Variants in UBE2E2 observed in about 807,000 individuals in gnomAD.
UBE2E2 encodes the protein ubiquitin conjugating enzyme E2 E2.
UBE2E2 carries 6 observed loss-of-function variants against 24.7 expected under a neutral mutation model. The ratio of observed to expected loss-of-function variants is 0.24; its 90% confidence interval spans 0.13 to 0.48. UBE2E2 has a LOEUF of 0.48. UBE2E2 is among the 20% of genes least tolerant of loss of function. The pLI is 0.99. For synonymous variants in UBE2E2, 104 were observed against 83.6 expected, an observed-to-expected ratio of 1.24 and a Z score of -1.33; for missense variants, 169 against 245.0, an observed-to-expected ratio of 0.69 and a Z score of 2.07.
intron 3 of UBE2E2, among the ~76,000 whole-genome samples, chr3:23,299,640 T>C: frequency 6.6e-6 from 1 of 152,384 alleles, no homozygotes; most frequent in East Asian, 1.9e-4. Context: ...TGCACTGTGG[T>C]CTGAGAGGCA....
chr3:23,303,341 G>T (rs1699153547), intron 3 of UBE2E2, among the ~76,000 whole-genome samples: 1 of 152,032 alleles, frequency 6.6e-6, no homozygotes, highest in African/African-American at 2.4e-5. Context: ...ACTATAATGA[G>T]CTTGAATTAT....
At position 23,311,322 on chromosome 3, in the gene UBE2E2, G is replaced by A. The variant is rs549300325; in HGVS notation, c.227+94010G>A. On this transcript the variant is annotated intron_variant, in intron 3 of 5. Transcript: ENST00000396703. ...GAATAGTGCCGCAATAAACATACGT[G>A]TGCATGTGTCTTTATAGCAGCATGA... is the stretch of plus-strand genomic sequence containing the variant. Among the ~76,000 whole-genome samples, 6 of 152,304 alleles carry A rather than the reference G, an allele frequency of 3.9e-5. No homozygotes were observed. In the South Asian group the frequency reaches 1.0e-3, roughly 26 times the overall value.
intron 3 of UBE2E2, among the ~76,000 whole-genome samples, chr3:23,497,088 A>G (rs1406340229): frequency 6.6e-6 from 1 of 152,188 alleles, no homozygotes; most frequent in Non-Finnish European, 1.5e-5. Flanking sequence ...TACCGTGTTT[A>G]TTGTTACCCT....
At chr3:23,360,703 C>T (rs555388582) in intron 3 of UBE2E2, among the ~76,000 whole-genome samples, 1 of 152,152 alleles carries the variant, frequency 6.6e-6, no homozygotes, top group South Asian at 2.1e-4. Flanking sequence ...TGGCATTTAA[C>T]ATCATTCCTC....
chr3:23,460,876 A>T (rs973083221), intron 3 of UBE2E2, among the ~76,000 whole-genome samples: 6 of 152,198 alleles, frequency 3.9e-5, no homozygotes, highest in Non-Finnish European at 7.3e-5. Flanking sequence ...CCATGTATGT[A>T]TGTTTATATG....
At chr3:23,500,977 T>C (rs1194334965) in intron 4 of UBE2E2, among the ~76,000 whole-genome samples, 1 of 152,016 alleles carries the variant, frequency 6.6e-6, no homozygotes, top group African/African-American at 2.4e-5. Flanking sequence ...ACCAAGAGCT[T>C]GCATTTGGTA....
intron 3 of UBE2E2, among the ~76,000 whole-genome samples, chr3:23,355,233 G>T (rs13067920): frequency 7.8e-6 from 1 of 128,744 alleles, no homozygotes; most frequent in African/African-American, 2.9e-5. Context: ...CTGGTGGGGG[G>T]TTGGGGGAGG....
At chr3:23,523,867 T>C (rs1328868370) in intron 4 of UBE2E2, among the ~76,000 whole-genome samples, 1 of 151,682 alleles carries the variant, frequency 6.6e-6, no homozygotes, top group East Asian at 1.9e-4. Flanking sequence ...TTAAATAAAC[T>C]GTAGTTTCAT....
chr3:23,310,724 A>AG (rs1694354116), intron 3 of UBE2E2, among the ~76,000 whole-genome samples: 1 of 152,168 alleles, frequency 6.6e-6, no homozygotes, highest in East Asian at 1.9e-4. Context: ...CTGTCTCTAT[A>AG]AAAGTACGTA....
At chr3:23,219,251 C>T (rs151338925) in intron 3 of UBE2E2, among the ~76,000 whole-genome samples, 1 of 152,222 alleles carries the variant, frequency 6.6e-6, no homozygotes, top group African/African-American at 2.4e-5. Context: ...CTCCCTTTGG[C>T]AAGCAAAGGG....
chr3:23,323,787 G>T (rs192005044), intron 3 of UBE2E2, among the ~76,000 whole-genome samples: 2 of 151,942 alleles, frequency 1.3e-5, no homozygotes, highest in Non-Finnish European at 2.9e-5. Context: ...GAAGGCTGCC[G>T]TTTTTCACAG....
chr3:23,539,757 G>A (rs13090125), intron 5 of UBE2E2, among the ~76,000 whole-genome samples: 9,593 of 151,976 alleles, frequency 0.063, 465 homozygotes, highest in Non-Finnish European at 0.088. Context: ...TGTAATAGCA[G>A]GTACAGTAAA....
chr3:23,290,992 C>A (rs889305594), intron 3 of UBE2E2, among the ~76,000 whole-genome samples: 1 of 149,376 alleles, frequency 6.7e-6, no homozygotes, highest in Non-Finnish European at 1.5e-5. Context: ...TCGCTTGAGC[C>A]TAGGAGTTCA....
chr3:23,264,585 A>G (rs182802179), intron 3 of UBE2E2, among the ~76,000 whole-genome samples: 42 of 152,284 alleles, frequency 2.8e-4, no homozygotes, highest in Admixed American at 1.1e-3. Flanking sequence ...TATAATGCCA[A>G]AGCATCATTT....
rs187071486 is a variant in UBE2E2 at position 23,475,841 on chromosome 3, T to G, written c.228-23767T>G. Among the ~76,000 whole-genome samples the G allele has an allele frequency of 4.6e-5, 7 of 152,124 alleles. No homozygotes were observed. The East Asian group carries it at 1.3e-3, about 29-fold the overall frequency. On this transcript the variant is annotated intron_variant, in intron 3 of 5. Transcript: ENST00000396703. ...AAGAATGCTAGGTACATCATGCCTG[T>G]GCAGTAATTTGTGCTGTACCATCAA...
intron 5 of UBE2E2, among the ~76,000 whole-genome samples, chr3:23,580,453 T>A (rs1696450640): frequency 6.6e-6 from 1 of 152,224 alleles, no homozygotes; most frequent in Non-Finnish European, 1.5e-5. Flanking sequence ...AGCATTTTTT[T>A]AGCAATATTT....
intron 3 of UBE2E2, among the ~76,000 whole-genome samples, chr3:23,220,767 C>A (rs1163434760): frequency 6.6e-6 from 1 of 152,170 alleles, no homozygotes. Flanking sequence ...GATGCTTTAT[C>A]CTTACAGACC....
At chr3:23,570,139 G>T (rs1268167852) in intron 5 of UBE2E2, among the ~76,000 whole-genome samples, 1 of 152,254 alleles carries the variant, frequency 6.6e-6, no homozygotes, top group Non-Finnish European at 1.5e-5. Flanking sequence ...CGAGGAACAT[G>T]GTCTGGTACC....
At chr3:23,381,848 C>T (rs1405655833) in intron 3 of UBE2E2, among the ~76,000 whole-genome samples, 1 of 152,102 alleles carries the variant, frequency 6.6e-6, no homozygotes, top group African/African-American at 2.4e-5. Flanking sequence ...TTGTTAGATG[C>T]TGTTTCCCAG....
Sources: gnomAD v4.1 joint callset for allele counts (sites outside exome capture counted in the v4.1 genomes callset) on GRCh38, gnomAD v4.1.1 for gene constraint, MANE v1.5 for transcripts, NCBI Gene and HGNC (gene_info 2026-07-23, HGNC 2026-07-21) for gene names.